Variants in ST3GAL3 observed in about 807,000 individuals in gnomAD.
ST3GAL3 encodes CMP-N-acetylneuraminate-beta-1,4-galactoside alpha-2,3-sialyltransferase.
Under a neutral mutation model 50.1 loss-of-function variants are expected in ST3GAL3, and 21 were observed. That is an observed-to-expected ratio of 0.42 (90% CI 0.30 to 0.60). The LOEUF is 0.60. ST3GAL3 is among the 20% of genes least tolerant of loss of function. The pLI is 0.19. For synonymous variants in ST3GAL3, 183 were observed against 190.0 expected (o/e 0.96, Z 0.30); for missense variants, 353 against 489.4 (o/e 0.72, Z 2.63).
Position 43,916,914 on chromosome 1 carries a change from A to G in ST3GAL3, c.745-3490A>G, listed in dbSNP as rs111665090. 9 of 152,312 alleles carry G rather than the reference A, an allele frequency of 5.9e-5. 2 individuals carry two copies. The highest frequency in any genetic ancestry group is 2.2e-4 in the African/African-American group (9 of 41,574). The allele number at this position is 152,312 out of a possible 1,614,324, so 9.4% of individuals were successfully genotyped here. On this transcript the variant is annotated intron_variant, in intron 9 of 11. Transcript: ENST00000347631. ...AGAAGATATCATTTTGATAACTGTG[A>G]CATTCTTTTACATAAATGTATCATT...
intron 5 of ST3GAL3, among the ~76,000 whole-genome samples, chr1:43,844,344 A>G (rs2065884411): frequency 6.6e-6 from 1 of 152,250 alleles, no homozygotes; most frequent in African/African-American, 2.4e-5. Flanking sequence ...TTCCCCTGCC[A>G]ACCAGCACCC....
chr1:43,710,000 A>T (rs1663800689), intron 1 of ST3GAL3, among the ~76,000 whole-genome samples: 1 of 151,952 alleles, frequency 6.6e-6, no homozygotes, highest in Non-Finnish European at 1.5e-5. Flanking sequence ...CCTCAAGTTT[A>T]TTCTTACTTT....
rs371540962 is a variant in ST3GAL3, at chr1:43,920,500, G to T, written c.841G>T (p.Ala281Ser). The T allele has an allele frequency of 6.2e-7, 1 of 1,614,146 alleles. No individual in the cohort carries two copies. Residue 281 changes from alanine (A) to serine (S), a missense_variant, in exon 10 of 12, where the codon GCC becomes TCC. Ala to Ser is a moderately conservative substitution (Grantham distance 99). Coordinates refer to ENST00000347631, the MANE Select transcript of ST3GAL3 (RefSeq NM_006279.5). ...ILNPYFIQEA[A>S]FTLIGLPFNN... ...CAACCCATATTTCATCCAGGAGGCC[G>T]CCTTCACCCTCATTGGCCTGCCCTT...
At chr1:43,820,431 A>C (rs570470776) in intron 4 of ST3GAL3, among the ~76,000 whole-genome samples, 1 of 152,346 alleles carries the variant, frequency 6.6e-6, no homozygotes, top group South Asian at 2.1e-4. Flanking sequence ...AGCAACTGCA[A>C]CAAGAACAAA....
intron 9 of ST3GAL3, chr1:43,919,690 G>C (rs1158117095): frequency 6.5e-6 from 1 of 154,702 alleles, no homozygotes; most frequent in Non-Finnish European, 1.4e-5. Context: ...CTGTGTTGTG[G>C]AGAGGGAGGA....
chr1:43,912,927 C>T (rs2081181307), intron 9 of ST3GAL3: 1 of 152,350 alleles, frequency 6.6e-6, no homozygotes, highest in Non-Finnish European at 1.5e-5. Flanking sequence ...AGAAGCTGGA[C>T]CATGCCGGGC....
chr1:43,739,660 A>G (rs1216258155), intron 2 of ST3GAL3, among the ~76,000 whole-genome samples: 1 of 152,232 alleles, frequency 6.6e-6, no homozygotes, highest in Non-Finnish European at 1.5e-5. Flanking sequence ...AAAACACAAC[A>G]ATTATTATAA....
intron 2 of ST3GAL3, among the ~76,000 whole-genome samples, chr1:43,770,715 A>G (rs1445071653): frequency 2.0e-5 from 3 of 152,120 alleles, no homozygotes; most frequent in African/African-American, 7.2e-5. Flanking sequence ...TTGACTGTTA[A>G]CTCTAGAAAC....
intron 2 of ST3GAL3, among the ~76,000 whole-genome samples, chr1:43,752,202 G>A (rs1237694765): frequency 6.6e-6 from 1 of 152,134 alleles, no homozygotes; most frequent in Non-Finnish European, 1.5e-5. Context: ...AATCTACTAG[G>A]TATGTTTGAT....
At chr1:43,894,258 G>C (rs1324091509) in intron 5 of ST3GAL3, 125 bp from the exon 6 acceptor site, 11 of 906,782 alleles carry the variant, frequency 1.2e-5, no homozygotes, top group East Asian at 9.7e-5. Context: ...CTGGGTGGAG[G>C]GGGGTATGCC....
intron 5 of ST3GAL3, among the ~76,000 whole-genome samples, chr1:43,880,507 AC>A (rs2074926817): frequency 6.6e-6 from 1 of 151,050 alleles, no homozygotes; most frequent in South Asian, 2.1e-4. Flanking sequence ...TTCCACTGTT[AC>A]GCTGGCTGTC....
chr1:43,854,372 C>G (rs1197552429), intron 5 of ST3GAL3, among the ~76,000 whole-genome samples: 6 of 152,310 alleles, frequency 3.9e-5, no homozygotes, highest in African/African-American at 1.2e-4. Context: ...CATGATGTCT[C>G]TGAAGCATTT....
chr1:43,815,482 T>A (rs1573482245), intron 4 of ST3GAL3, among the ~76,000 whole-genome samples: 1 of 152,232 alleles, frequency 6.6e-6, no homozygotes, highest in African/African-American at 2.4e-5. Context: ...CACAAAGTTG[T>A]CTCTTCCTCT....
At chr1:43,716,861 C>T (rs999994270) in intron 1 of ST3GAL3, among the ~76,000 whole-genome samples, 20 of 152,294 alleles carry the variant, frequency 1.3e-4, no homozygotes, top group African/African-American at 4.6e-4. Flanking sequence ...GTGTACATCC[C>T]GTACATCCCC....
chr1:43,779,284 T>G (rs1373645260), intron 2 of ST3GAL3, among the ~76,000 whole-genome samples: 1 of 152,216 alleles, frequency 6.6e-6, no homozygotes, highest in African/African-American at 2.4e-5. Context: ...GGTAGGTATA[T>G]GATATGCTGT....
In ST3GAL3 at chr1:43,823,272, G is replaced by A. The variant is rs141025737; in HGVS notation, c.209+8339G>A. Among the ~76,000 whole-genome samples, 1,305 of 152,244 alleles carry A rather than the reference G, an allele frequency of 8.6e-3. 9 individuals are homozygous for A. Among genetic ancestry groups the A allele is most frequent in the Non-Finnish European group, 0.013 (861 of 68,000 alleles). ...TGGCTCCCCATTTCTTGTAGAATGA[G>A]AGCCAGAACCTTTATAGTGCTCATC... On this transcript the variant is annotated intron_variant, in intron 4 of 11. Transcript: ENST00000347631.
At chr1:43,889,314 C>T (rs953299075) in intron 5 of ST3GAL3, among the ~76,000 whole-genome samples, 1 of 151,574 alleles carries the variant, frequency 6.6e-6, no homozygotes, top group African/African-American at 2.4e-5. Context: ...CTAGAAGTAA[C>T]GGGACAGAGA....
intron 5 of ST3GAL3, among the ~76,000 whole-genome samples, chr1:43,881,274 G>A (rs1247613966): frequency 6.6e-6 from 1 of 152,226 alleles, no homozygotes; most frequent in African/African-American, 2.4e-5. Flanking sequence ...GCCTCCCAAA[G>A]TGTTGGGATT....
chr1:43,830,175 G>A (rs1435968914), intron 4 of ST3GAL3, among the ~76,000 whole-genome samples: 1 of 151,260 alleles, frequency 6.6e-6, no homozygotes, highest in East Asian at 1.9e-4. Context: ...TGGGACTGTA[G>A]GCACATGCCA....
Sources: allele counts gnomAD v4.1 joint callset (sites outside exome capture counted in the v4.1 genomes callset), GRCh38; gene constraint gnomAD v4.1.1; transcripts MANE v1.5; gene names NCBI Gene and HGNC (gene_info 2026-07-23, HGNC 2026-07-21).